Variants in PRAMEF17 observed in about 807,000 individuals in gnomAD.
PRAMEF17 encodes PRAME family member 17.
In PRAMEF17, 48 loss-of-function variants were observed where a neutral mutation model predicts 36.8. The observed-to-expected ratio is 1.30, with a 90% CI of 1.03 to 1.66. The LOEUF (loss-of-function observed/expected upper bound fraction) is 1.66. Ranked by LOEUF, PRAMEF17 falls within the 40% of genes most tolerant of loss-of-function variation. The pLI, the probability that PRAMEF17 is intolerant of heterozygous loss-of-function variation, is 0.00. For missense variants in PRAMEF17, 639 were observed against 560.6 expected (o/e 1.14, Z -1.41); for synonymous variants, 246 against 220.4 (o/e 1.12, Z -1.03).
Position 13,392,082 on chromosome 1 carries a change from C to T in PRAMEF17, c.1005C>T (p.Thr335=). The change falls in exon 3 of 3, where the codon ACC becomes ACT. Residue 335 remains threonine (T), a synonymous_variant. Coordinates refer to ENST00000376098, the MANE Select transcript of PRAMEF17 (RefSeq NM_001099851.3). ...LHLIHILMWT[T]NLEPLGALLE... is the part of the protein sequence containing the mutation. ...TGATTCATATCCTAATGTGGACTAC[C>T]AATCTTGAGCCCCTTGGAGCTCTGC... 5 of 1,611,902 alleles carry T rather than the reference C, an allele frequency of 3.1e-6. No individual in the cohort carries two copies. The South Asian group carries it at 4.4e-5, about 14-fold the overall frequency.
Position 13,390,886 on chromosome 1 carries a change from G to C in PRAMEF17, c.833G>C (p.Ser278Thr). ...YPQMLYIRKI[S>T]NIKEHLEHLL... ...CAGATGCTTTATATAAGAAAGATCA[G>C]TAATATCAAAGAGCACCTGGAGCAC... Residue 278 changes from serine (S) to threonine (T), a missense_variant, in exon 2 of 3, where the codon AGT becomes ACT. Coordinates refer to ENST00000376098, the MANE Select transcript of PRAMEF17 (RefSeq NM_001099851.3). 3.1e-6 allele frequency: 5 copies of C among 1,611,976 alleles called. No homozygotes were observed. Among genetic ancestry groups the C allele is most frequent in the Non-Finnish European group, 4.2e-6 (5 of 1,179,858 alleles).
chr1:13,390,024 T>C (rs1381443084), intron 1 of PRAMEF17, 80 bp downstream of exon 1: 29 of 1,602,712 alleles, frequency 1.8e-5, no homozygotes, highest in Non-Finnish European at 2.3e-5. Context: ...AGTGGTGGGG[T>C]TGGGGAGCTA....
In PRAMEF17 at chr1:13,392,567, A is replaced by T; in HGVS notation, c.*65A>T. ...ACCCTTAGGCACTAAAATCTAGGAC[A>T]CAGGTGGGTTTTTTTGTTTTTTTGT... On this transcript the variant is annotated 3_prime_UTR_variant, in exon 3 of 3. Coordinates refer to ENST00000376098, the MANE Select transcript of PRAMEF17 (RefSeq NM_001099851.3). The T allele has an allele frequency of 6.3e-7, 1 of 1,585,108 alleles. No homozygotes were observed.
rs1238260053 is a variant in PRAMEF17 at position 13,392,602 on chromosome 1, G to T, written c.*100G>T. On this transcript the variant is annotated 3_prime_UTR_variant, in exon 3 of 3. Coordinates refer to ENST00000376098, the MANE Select transcript of PRAMEF17 (RefSeq NM_001099851.3). ...TTTTTTGTTTTTTTGTTTTTTTTTTGATGGAGTCTCGCTCTGTCCCTCAGG... is the reference window on the plus strand; with the variant it reads ...TTTTTTGTTTTTTTGTTTTTTTTTTTATGGAGTCTCGCTCTGTCCCTCAGG... The T allele has an allele frequency of 4.9e-5, 71 of 1,457,880 alleles. No homozygotes were observed. The highest frequency in any genetic ancestry group is 2.5e-4 in the Middle Eastern group (1 of 3,964). 90.3% of individuals were successfully genotyped at this position (1,457,880 alleles called of 1,614,324 possible). A position where few individuals can be genotyped will look rare whatever the true frequency, so the allele number is the denominator to read the frequency against.
rs1640868463 is a variant in PRAMEF17, at chr1:13,390,671, T to C, written c.618T>C (p.Ser206=). The C allele has an allele frequency of 6.2e-7, 1 of 1,611,986 alleles. No homozygotes were observed. The highest frequency in any genetic ancestry group is 8.5e-7 in the Non-Finnish European group (1 of 1,179,860). The change falls in exon 2 of 3, where the codon AGT becomes AGC. Residue 206 remains serine (S), a synonymous_variant. Transcript: ENST00000376098. ...RNLLKRVYPD[S]IQELEIKRKC... is the part of the protein sequence containing the mutation. ...TATTGAAAAGGGTATACCCAGACAG[T>C]ATCCAGGAGTTGGAAATTAAGAGAA...
chr1:13,389,810 C>T lies in PRAMEF17; in HGVS notation c.153C>T (p.Ala51=). The change falls in exon 1 of 3, where the codon GCC becomes GCT. Residue 51 remains alanine (A), a synonymous_variant. Coordinates refer to ENST00000376098, the MANE Select transcript of PRAMEF17 (RefSeq NM_001099851.3). ...MEASSMRHFE[A]LKLMVQAWPF... ...CCTCCAGCATGAGACATTTTGAGGC[C>T]CTGAAGCTGATGGTGCAGGCCTGGC... 2 of 1,613,366 alleles carry T rather than the reference C, an allele frequency of 1.2e-6. No homozygotes were observed. The highest frequency in any genetic ancestry group is 1.7e-6 in the Non-Finnish European group (2 of 1,180,032).
In PRAMEF17 at chr1:13,392,179, G is replaced by T; in HGVS notation, c.1102G>T (p.Val368Phe). ...DCQIQDSQLR[V>F]LLPALSRCSQ... ...TCAGATCCAGGACTCCCAGCTCAGG[G>T]TCCTCCTGCCTGCCCTGAGCCGCTG... Residue 368 changes from valine to phenylalanine, a missense_variant, in exon 3 of 3, where the codon GTC becomes TTC. Coordinates refer to ENST00000376098, the MANE Select transcript of PRAMEF17 (RefSeq NM_001099851.3). 5 of 1,611,926 alleles carry T rather than the reference G, an allele frequency of 3.1e-6. No individual in the cohort carries two copies. Among genetic ancestry groups the T allele is most frequent in the Non-Finnish European group, 4.2e-6 (5 of 1,179,834 alleles).
Position 13,389,924 on chromosome 1 carries a change from G to A in PRAMEF17, c.267G>A (p.Leu89=). ...QAVLKGLDTL[L]AQKLRPRRWK... is the part of the protein sequence containing the mutation. ...TGCTGAAGGGACTTGATACACTGCT[G>A]GCCCAGAAGCTTCGCCCCAGGTGAG... Residue 89 remains leucine, a synonymous_variant, in exon 1 of 3, where the codon CTG becomes CTA. Coordinates refer to ENST00000376098, the MANE Select transcript of PRAMEF17 (RefSeq NM_001099851.3). The A allele has an allele frequency of 6.2e-7, 1 of 1,612,850 alleles. No homozygotes were observed. The highest frequency in any genetic ancestry group is 8.5e-7 in the Non-Finnish European group (1 of 1,180,030).
rs1640862763 is a variant in PRAMEF17, at chr1:13,390,362, G to A, written c.309G>A (p.Leu103=). ...ACAGGAGGTGGAAACTTCAAGTGCT[G>A]GATTTGCGGGATGTTGATGGGAATT... ...LRPRRWKLQV[L]DLRDVDGNFW... The change falls in exon 2 of 3, where the codon CTG becomes CTA. Residue 103 remains leucine, a synonymous_variant. Transcript: ENST00000376098. 1 of 1,611,814 alleles carries A rather than the reference G, an allele frequency of 6.2e-7. No homozygotes were observed. The highest frequency in any genetic ancestry group is 1.3e-5 in the African/African-American group (1 of 74,840).
chr1:13,390,891 A>T lies in PRAMEF17; in HGVS notation c.838A>T (p.Ile280Phe). The change falls in exon 2 of 3, where the codon ATC (isoleucine) becomes TTC (phenylalanine). Residue 280 changes from isoleucine to phenylalanine, a missense_variant. Coordinates refer to ENST00000376098, the MANE Select transcript of PRAMEF17 (RefSeq NM_001099851.3). ...QMLYIRKISN[I>F]KEHLEHLLRC... ...GCTTTATATAAGAAAGATCAGTAATATCAAAGAGCACCTGGAGCACCTGCT... is the reference window on the plus strand; with the variant it reads ...GCTTTATATAAGAAAGATCAGTAATTTCAAAGAGCACCTGGAGCACCTGCT... 1 of 1,612,014 alleles carries T rather than the reference A, an allele frequency of 6.2e-7. No homozygotes were observed.
intron 2 of PRAMEF17, 100 bp downstream of exon 2, chr1:13,391,019 G>A: frequency 1.3e-6 from 2 of 1,533,944 alleles, no homozygotes; most frequent in Admixed American, 1.7e-5. Flanking sequence ...CCAGCCACTG[G>A]TGATGTCACA....
rs1245386021 is a variant in PRAMEF17, at chr1:13,390,810, C to A, written c.757C>A (p.Gln253Lys). 1 of 1,612,002 alleles carries A rather than the reference C, an allele frequency of 6.2e-7. No homozygotes were observed. Among genetic ancestry groups the A allele is most frequent in the South Asian group, 1.1e-5 (1 of 90,986 alleles). The change falls in exon 2 of 3, where the codon CAG becomes AAG. Residue 253 changes from glutamine to lysine, a missense_variant. Physicochemically the swap from Gln to Lys is moderately conservative, Grantham distance 53 (BLOSUM62 1). Transcript: ENST00000376098. ...YDDELYVSGQ[Q>K]QFVPDLDCPF... Reference sequence around the variant, plus strand: ...CGATGAGTTATATGTAAGCGGCCAACAGCAGTTCGTTCCTGACTTGGACTG... The same window carrying A: ...CGATGAGTTATATGTAAGCGGCCAAAAGCAGTTCGTTCCTGACTTGGACTG...
chr1:13,392,174 T>C lies in PRAMEF17; in HGVS notation c.1097T>C (p.Leu366Pro). ...GACTGTCAGATCCAGGACTCCCAGC[T>C]CAGGGTCCTCCTGCCTGCCCTGAGC... The part of the protein sequence containing the change: ...LKDCQIQDSQ[L>P]RVLLPALSRC... Residue 366 changes from leucine (L) to proline (P), a missense_variant, in exon 3 of 3, where the codon CTC (leucine) becomes CCC (proline). Transcript: ENST00000376098. 1 of 1,611,968 alleles carries C rather than the reference T, an allele frequency of 6.2e-7. No individual in the cohort carries two copies. Among genetic ancestry groups the C allele is most frequent in the South Asian group, 1.1e-5 (1 of 90,988 alleles).
intron 1 of PRAMEF17, 64 bp from the exon 2 acceptor site, chr1:13,390,277 G>A: frequency 6.2e-7 from 1 of 1,609,096 alleles, no homozygotes; most frequent in East Asian, 2.2e-5. Flanking sequence ...GATGTTGAGT[G>A]AAAGCTCAGG....
chr1:13,392,604 T>C lies in PRAMEF17; in HGVS notation c.*102T>C. 6.7e-7 allele frequency: 1 copy of C among 1,499,192 alleles called. No individual in the cohort carries two copies. Among genetic ancestry groups the C allele is most frequent in the Non-Finnish European group, 9.1e-7 (1 of 1,104,136 alleles). The allele number at this position is 1,499,192 out of a possible 1,614,324, so 92.9% of individuals were successfully genotyped here. On this transcript the variant is annotated 3_prime_UTR_variant, in exon 3 of 3. Coordinates refer to ENST00000376098, the MANE Select transcript of PRAMEF17 (RefSeq NM_001099851.3). ...TTTTGTTTTTTTGTTTTTTTTTTGA[T>C]GGAGTCTCGCTCTGTCCCTCAGGCT...
At position 13,392,202 on chromosome 1, in the gene PRAMEF17, C is replaced by T. The variant is rs1640894749; in HGVS notation, c.1125C>T (p.Arg375=). 6.2e-7 allele frequency: 1 copy of T among 1,611,988 alleles called. No homozygotes were observed. Among genetic ancestry groups the T allele is most frequent in the Non-Finnish European group, 8.5e-7 (1 of 1,179,852 alleles). The change falls in exon 3 of 3, where the codon CGC becomes CGT. Residue 375 remains arginine, a synonymous_variant. Transcript: ENST00000376098. The stretch of plus-strand genomic sequence containing the variant: ...GGGTCCTCCTGCCTGCCCTGAGCCG[C>T]TGCTCCCAGCTCACCACCTTCTACT... ...QLRVLLPALS[R]CSQLTTFYFR...
At position 13,389,918 on chromosome 1, in the gene PRAMEF17, A is replaced by C. The variant is rs4026232; in HGVS notation, c.261A>C (p.Thr87=). 2 of 1,612,726 alleles carry C rather than the reference A, an allele frequency of 1.2e-6. No homozygotes were observed. Among genetic ancestry groups the C allele is most frequent in the Non-Finnish European group, 8.5e-7 (1 of 1,180,016 alleles). The change falls in exon 1 of 3, where the codon ACA becomes ACC. Residue 87 remains threonine, a synonymous_variant. Coordinates refer to ENST00000376098, the MANE Select transcript of PRAMEF17 (RefSeq NM_001099851.3). The part of the protein sequence containing the change: ...TLQAVLKGLD[T]LLAQKLRPRR... ...AAGCTGTGCTGAAGGGACTTGATAC[A>C]CTGCTGGCCCAGAAGCTTCGCCCCA...
chr1:13,390,902 C>A lies in PRAMEF17; in HGVS notation c.849C>A (p.His283Gln). 1 of 1,612,030 alleles carries A rather than the reference C, an allele frequency of 6.2e-7. No homozygotes were observed. Among genetic ancestry groups the A allele is most frequent in the Non-Finnish European group, 8.5e-7 (1 of 1,179,876 alleles). ...GAAAGATCAGTAATATCAAAGAGCA[C>A]CTGGAGCACCTGCTCAGGTAAGAAA... ...YIRKISNIKEHLEHLLRCLKN... is the reference protein window; with the variant it reads ...YIRKISNIKEQLEHLLRCLKN... The change falls in exon 2 of 3, where the codon CAC (histidine) becomes CAA (glutamine). Residue 283 changes from histidine to glutamine, a missense_variant. By Grantham distance (24) the His-to-Gln change is conservative. Coordinates refer to ENST00000376098, the MANE Select transcript of PRAMEF17 (RefSeq NM_001099851.3).
In PRAMEF17 at chr1:13,392,419, A is replaced by G. The variant is rs1172842562; in HGVS notation, c.1342A>G (p.Lys448Glu). The G allele has an allele frequency of 6.2e-7, 1 of 1,611,966 alleles. No homozygotes were observed. Among genetic ancestry groups the G allele is most frequent in the African/African-American group, 1.3e-5 (1 of 74,962 alleles). The change falls in exon 3 of 3, where the codon AAG becomes GAG. Residue 448 changes from lysine to glutamate, a missense_variant. By Grantham distance (56) the Lys-to-Glu change is moderately conservative (BLOSUM62 1). Coordinates refer to ENST00000376098, the MANE Select transcript of PRAMEF17 (RefSeq NM_001099851.3). ...TACACTCAGGGAAGTCAGGCAGCCC[A>G]AGAGGATCTTTTTTGGTCCCATCCC... is the stretch of plus-strand genomic sequence containing the variant. ...MCTLREVRQP[K>E]RIFFGPIPCP...
Sources: allele counts gnomAD v4.1 joint callset, GRCh38; gene constraint gnomAD v4.1.1; transcripts MANE v1.5; gene names NCBI Gene and HGNC (gene_info 2026-07-23, HGNC 2026-07-21).